The following IARS2 variants were observed in gnomAD, a reference collection of about 807,000 sequenced individuals.
The protein encoded by IARS2 is isoleucine--tRNA ligase, mitochondrial.
In IARS2, 56 loss-of-function variants were observed where a neutral mutation model predicts 126.3. That is an observed-to-expected ratio of 0.44 (90% CI 0.36 to 0.55). The LOEUF (loss-of-function observed/expected upper bound fraction) is 0.55, where lower values mean the gene tolerates loss of function less well. Among genes scored for constraint, IARS2 ranks in the 20% least tolerant of loss-of-function variants. The pLI is 0.00. For synonymous variants in IARS2, 407 were observed against 441.1 expected (o/e 0.92, Z 0.97); for missense variants, 1,127 against 1,245.9 (o/e 0.90, Z 1.44).
At chr1:220,134,582 A>C in intron 15 of IARS2, 72 bp downstream of exon 15, 1 of 825,136 alleles carries the variant, frequency 1.2e-6, no homozygotes, top group South Asian at 2.1e-5. Context: ...AGTACTACAG[A>C]GATGATAAGG....
Position 220,102,264 on chromosome 1 carries a change from A to G in IARS2, c.686A>G (p.Gln229Arg), listed in dbSNP as rs1231019285. 6.2e-7 allele frequency: 1 copy of G among 1,607,456 alleles called. No individual in the cohort carries two copies. Among genetic ancestry groups the G allele is most frequent in the Admixed American group, 1.7e-5 (1 of 57,916 alleles). ...GCCAAACAGTTGAGAACTTTTTACC[A>G]AATGTATGATAAGGTAAAGAAGTAT... is the stretch of plus-strand genomic sequence containing the variant. ...YEAKQLRTFY[Q>R]MYDKGLVYRS... Residue 229 changes from glutamine to arginine, a missense_variant, in exon 4 of 23, where the codon CAA becomes CGA. Coordinates refer to ENST00000366922, the MANE Select transcript of IARS2 (RefSeq NM_018060.4).
chr1:220,112,178 A>T (rs1187389990), intron 11 of IARS2, among the ~76,000 whole-genome samples: 2 of 52,250 alleles, frequency 3.8e-5, no homozygotes, highest in Non-Finnish European at 7.1e-5. Flanking sequence ...CCCAGGTCGG[A>T]CTGCGGACTG....
At chr1:220,102,000 C>G (rs1656584025) in intron 3 of IARS2, 129 bp from the exon 4 acceptor site, 2 of 804,556 alleles carry the variant, frequency 2.5e-6, no homozygotes, top group Admixed American at 2.9e-5. Context: ...GACAGCGAGA[C>G]TGTGTCTCAA....
intron 15 of IARS2, chr1:220,134,866 C>T (rs1657342821): frequency 6.4e-6 from 1 of 155,098 alleles, no homozygotes; most frequent in Admixed American, 6.5e-5. Flanking sequence ...CTCCTTGGCT[C>T]AAGCAATCCT....
chr1:220,124,452 C>T (rs982222124), intron 12 of IARS2, among the ~76,000 whole-genome samples: 13 of 152,050 alleles, frequency 8.5e-5, no homozygotes, highest in African/African-American at 2.7e-4. Context: ...TAAGTTTCAC[C>T]AGGGGAGGGA....
At chr1:220,126,329 G>A (rs552923922) in intron 13 of IARS2, among the ~76,000 whole-genome samples, 2 of 152,062 alleles carry the variant, frequency 1.3e-5, no homozygotes, top group Admixed American at 6.6e-5. Context: ...GAATGTGAGG[G>A]TCAATTGTTA....
chr1:220,147,574 A>T lies in IARS2; in HGVS notation c.2978A>T (p.Tyr993Phe), dbSNP rs1657628851. 6.2e-7 allele frequency: 1 copy of T among 1,614,040 alleles called. No individual in the cohort carries two copies. Among genetic ancestry groups the T allele is most frequent in the African/African-American group, 1.3e-5 (1 of 74,946 alleles). Residue 993 changes from tyrosine (Y) to phenylalanine (F), a missense_variant, in exon 23 of 23, where the codon TAT (tyrosine) becomes TTT (phenylalanine). Transcript: ENST00000366922. ...GAAAAATGCCCCCGTTGTTGGAAGT[A>T]TACAGCGGAGTCTTCAGATACACTG... ...TKEKCPRCWK[Y>F]TAESSDTLCP...
At chr1:220,126,958 G>A (rs1657168005) in intron 14 of IARS2, 115 bp downstream of exon 14, 1 of 713,130 alleles carries the variant, frequency 1.4e-6, no homozygotes, top group Admixed American at 2.9e-5. Flanking sequence ...TTAGAGATCT[G>A]CTATATTTTA....
At chr1:220,145,334 A>G (rs369008908) in intron 21 of IARS2, among the ~76,000 whole-genome samples, 175 bp from the exon 22 acceptor site, 1 of 152,242 alleles carries the variant, frequency 6.6e-6, no homozygotes, top group Non-Finnish European at 1.5e-5. Flanking sequence ...GGAAATATTT[A>G]GTTAAAACCT....
At chr1:220,139,358 G>A (rs1657443076) in intron 18 of IARS2, among the ~76,000 whole-genome samples, 1 of 152,158 alleles carries the variant, frequency 6.6e-6, no homozygotes, top group African/African-American at 2.4e-5. Context: ...TACTTTATCT[G>A]CACATGTGCT....
intron 2 of IARS2, among the ~76,000 whole-genome samples, chr1:220,097,761 A>G (rs1237049503): frequency 6.6e-6 from 1 of 152,206 alleles, no homozygotes; most frequent in Non-Finnish European, 1.5e-5. Flanking sequence ...TGGGGATAGA[A>G]TATGTTAATG....
At chr1:220,107,012 T>C in intron 9 of IARS2, 49 bp from the exon 10 acceptor site, 2 of 1,166,980 alleles carry the variant, frequency 1.7e-6, no homozygotes, top group Non-Finnish European at 2.6e-6. Context: ...GATATTGTCA[T>C]AAGAGAAAAT....
At position 220,124,190 on chromosome 1, in the gene IARS2, A is replaced by C. The variant is rs550754237; in HGVS notation, c.1641-1047A>C. Reference sequence around the variant, plus strand: ...TAATAGCAACAAAGCTACAATAATAAATTCAATATTCTAATAAATCAAAAA... The same window carrying C: ...TAATAGCAACAAAGCTACAATAATACATTCAATATTCTAATAAATCAAAAA... On this transcript the variant is annotated intron_variant, in intron 12 of 22. Coordinates refer to ENST00000366922, the MANE Select transcript of IARS2 (RefSeq NM_018060.4). Among the ~76,000 whole-genome samples the C allele has an allele frequency of 9.2e-5, 14 of 152,364 alleles. No individual in the cohort carries two copies. In the East Asian group the frequency reaches 2.3e-3, roughly 25 times the overall value.
rs199751269 is a variant in IARS2, at chr1:220,126,805, G to A, written c.1799G>A (p.Trp600Ter). The A allele has an allele frequency of 6.2e-7, 1 of 1,613,214 alleles. No homozygotes were observed. The highest frequency in any genetic ancestry group is 1.3e-5 in the African/African-American group (1 of 74,984). Residue 600 changes from tryptophan to a stop codon, truncating the protein, a stop_gained, in exon 14 of 23, where the codon TGG (tryptophan) becomes TAG (stop). Coordinates refer to ENST00000366922, the MANE Select transcript of IARS2 (RefSeq NM_018060.4). LOFTEE classifies it high-confidence loss of function. ...YVPGQDILDI[W>*]FDSGTSWSYV... ...CCAGGTCAGGATATTTTGGACATCT[G>A]GTTTGATAGCGGAACTTCATGGTCT...
At chr1:220,125,476 G>GT in intron 13 of IARS2, 137 bp downstream of exon 13, 1 of 602,474 alleles carries the variant, frequency 1.7e-6, no homozygotes. Flanking sequence ...AGCTAATGCA[G>GT]TGTGAAAGTA....
intron 12 of IARS2, among the ~76,000 whole-genome samples, chr1:220,115,302 C>T (rs1398895732): frequency 2.0e-5 from 3 of 152,182 alleles, no homozygotes; most frequent in African/African-American, 7.2e-5. Flanking sequence ...GTGGCTCACG[C>T]CTGTAATCCC....
chr1:220,109,988 C>T (rs747653561), intron 10 of IARS2, among the ~76,000 whole-genome samples: 6 of 152,120 alleles, frequency 3.9e-5, no homozygotes, highest in Admixed American at 6.5e-5. Context: ...TTTTACAGTC[C>T]GTGCTTTTTT....
chr1:220,106,921 G>A (rs1284177066), intron 9 of IARS2, 140 bp from the exon 10 acceptor site: 9 of 629,728 alleles, frequency 1.4e-5, no homozygotes, highest in East Asian at 5.7e-5. Context: ...CCTGAGTGCC[G>A]CGCCCGGCCA....
chr1:220,139,326 A>G (rs1483134401), intron 18 of IARS2, among the ~76,000 whole-genome samples, 187 bp downstream of exon 18: 1 of 152,222 alleles, frequency 6.6e-6, no homozygotes, highest in Non-Finnish European at 1.5e-5. Context: ...TTTTTCCAAC[A>G]AGAAGGAATA....
Sources: allele counts gnomAD v4.1 joint callset (sites outside exome capture counted in the v4.1 genomes callset), GRCh38; gene constraint gnomAD v4.1.1; transcripts MANE v1.5; gene names NCBI Gene and HGNC (gene_info 2026-07-23, HGNC 2026-07-21).